Variants in MANBA observed in about 807,000 individuals in gnomAD.
The protein encoded by MANBA is mannosidase beta, also known as beta-mannosidase.
Under a neutral mutation model 111.1 loss-of-function variants are expected in MANBA, and 83 were observed. That is an observed-to-expected ratio of 0.75 (90% CI 0.63 to 0.90). The LOEUF (loss-of-function observed/expected upper bound fraction) is 0.90, where lower values mean the gene tolerates loss of function less well. MANBA is among the 40% of genes least tolerant of loss of function. The probability of loss-of-function intolerance (pLI) is 0.00; values close to 1 mark genes in which losing one functional copy is unlikely to be tolerated. For missense variants in MANBA, 1,036 were observed against 1,069.0 expected, an observed-to-expected ratio of 0.97 and a Z score of 0.43; for synonymous variants, 370 against 378.7, an observed-to-expected ratio of 0.98 and a Z score of 0.27.
At chr4:102,699,334 T>C (rs1306183349) in intron 5 of MANBA, among the ~76,000 whole-genome samples, 4 of 151,258 alleles carry the variant, frequency 2.6e-5, no homozygotes, top group Admixed American at 6.6e-5. Flanking sequence ...CTTTTCCTAA[T>C]TGAATACCCT....
chr4:102,656,738 G>A (rs1185033939), intron 12 of MANBA, among the ~76,000 whole-genome samples: 7 of 152,098 alleles, frequency 4.6e-5, no homozygotes, highest in Non-Finnish European at 1.0e-4. Context: ...GCAACAGAAT[G>A]TTATTCAGCA....
chr4:102,743,000 C>T lies in MANBA; in HGVS notation c.178-16317G>A, dbSNP rs190108007. Among the ~76,000 whole-genome samples the T allele has an allele frequency of 8.6e-3, 1,304 of 152,320 alleles. 14 individuals are homozygous for T. Among genetic ancestry groups the T allele is most frequent in the African/African-American group, 0.028 (1,164 of 41,552 alleles). ...CCATGTGTAACCCCCATCCCTGCCACCATGGCCACTTTGTTCATGGGCCCA... is the reference window on the plus strand; with the variant it reads ...CCATGTGTAACCCCCATCCCTGCCATCATGGCCACTTTGTTCATGGGCCCA... On this transcript the variant is annotated intron_variant, in intron 1 of 16. Transcript: ENST00000647097.
At chr4:102,729,157 C>T (rs1210104060) in intron 1 of MANBA, 13 of 725,010 alleles carry the variant, frequency 1.8e-5, no homozygotes, top group Non-Finnish European at 3.1e-5. Context: ...CCCTGTGCTG[C>T]AGACATCTGT....
chr4:102,727,849 G>T, intron 1 of MANBA: 1 of 595,708 alleles, frequency 1.7e-6, no homozygotes. Flanking sequence ...GAAGACTCAG[G>T]TCTCCTAAAG....
chr4:102,753,892 G>C (rs534831176), intron 1 of MANBA: 7 of 433,290 alleles, frequency 1.6e-5, no homozygotes, highest in African/African-American at 1.3e-4. Context: ...AGACCAGCTT[G>C]AGCAACACGG....
intron 7 of MANBA, among the ~76,000 whole-genome samples, chr4:102,683,550 T>C (rs17033155): frequency 0.044 from 6,645 of 152,250 alleles, 471 homozygotes; most frequent in African/African-American, 0.15. Context: ...ACACGTTACC[T>C]AGTCAATTCA....
intron 11 of MANBA, chr4:102,662,663 T>C (rs1348294268): frequency 6.3e-6 from 1 of 158,382 alleles, no homozygotes; most frequent in Admixed American, 6.2e-5. Context: ...CTAGGCCTTT[T>C]AGAAAATATG....
At chr4:102,634,752 C>T (rs1301472116) in intron 16 of MANBA, 36 bp downstream of exon 16, 1 of 1,612,286 alleles carries the variant, frequency 6.2e-7, no homozygotes. Flanking sequence ...CCCACAAGGC[C>T]ACAGTCCCCT....
At chr4:102,672,470 A>G (rs1279122511) in intron 8 of MANBA, among the ~76,000 whole-genome samples, 1 of 152,210 alleles carries the variant, frequency 6.6e-6, no homozygotes, top group Non-Finnish European at 1.5e-5. Context: ...AGAACTTTTA[A>G]GATTATATTT....
At chr4:102,648,316 G>A (rs566513784) in intron 13 of MANBA, among the ~76,000 whole-genome samples, 1 of 151,958 alleles carries the variant, frequency 6.6e-6, no homozygotes, top group African/African-American at 2.4e-5. Context: ...ATTGGAATAC[G>A]ATATAACAAA....
At chr4:102,699,135 C>A (rs1470931797) in intron 5 of MANBA, among the ~76,000 whole-genome samples, 2 of 152,120 alleles carry the variant, frequency 1.3e-5, no homozygotes, top group African/African-American at 2.4e-5. Context: ...AATGGGAGTT[C>A]ACTCATGATT....
intron 7 of MANBA, among the ~76,000 whole-genome samples, chr4:102,677,897 G>T (rs534957697): frequency 4.2e-4 from 64 of 151,986 alleles, no homozygotes; most frequent in African/African-American, 1.2e-3. Flanking sequence ...GTTTATTATG[G>T]TTATTTAAAA....
At position 102,631,104 on chromosome 4, in the gene MANBA, CTTTGTG is replaced by C. The variant is rs60612694; in HGVS notation, c.*947_*952del. 7,381 of 138,932 alleles carry C rather than the reference CTTTGTG, an allele frequency of 0.053. 401 individuals carry two copies. Among genetic ancestry groups the C allele is most frequent in the African/African-American group, 0.13 (4,785 of 36,528 alleles). The allele number at this position is 138,932 out of a possible 1,614,324, so 8.6% of individuals were successfully genotyped here. A position where few individuals can be genotyped will look rare whatever the true frequency, so the allele number is the denominator to read the frequency against. ...AAGTCCCCTTATCCCCTTGATAAGG[CTTTGTG>C]TGTGTGTGTGTGTGTGTGTGTGTGT... On this transcript the variant is annotated 3_prime_UTR_variant, in exon 17 of 17. Transcript: ENST00000647097.
At chr4:102,633,783 T>C (rs1007769904) in intron 16 of MANBA, among the ~76,000 whole-genome samples, 3 of 152,162 alleles carry the variant, frequency 2.0e-5, no homozygotes, top group African/African-American at 7.2e-5. Context: ...TGGTTTTTTT[T>C]TTCTTTTTTG....
chr4:102,641,091 T>A lies in MANBA; in HGVS notation c.1870-1234A>T, dbSNP rs142150027. 9.4e-3 allele frequency among the ~76,000 whole-genome samples: 1,429 copies of A among 152,234 alleles called. 84 individuals carry two copies. The highest frequency in any genetic ancestry group is 0.081 in the Admixed American group (1,245 of 15,288). On this transcript the variant is annotated intron_variant, in intron 13 of 16. Transcript: ENST00000647097. The stretch of plus-strand genomic sequence containing the variant: ...GTACCAATGCTAAGTAGAAGAGGTA[T>A]GCAATGTTACAAGCTCATATGGTGG...
intron 5 of MANBA, among the ~76,000 whole-genome samples, chr4:102,698,037 A>T (rs1358232920): frequency 1.3e-5 from 2 of 151,764 alleles, no homozygotes; most frequent in Non-Finnish European, 2.9e-5. Context: ...CTGACTTTTT[A>T]ATGATTGCCA....
At chr4:102,639,419 C>T (rs573348017) in intron 14 of MANBA, among the ~76,000 whole-genome samples, 20 of 152,256 alleles carry the variant, frequency 1.3e-4, no homozygotes, top group Admixed American at 2.6e-4. Context: ...AAATTCTATG[C>T]GTAATAACAA....
At chr4:102,664,525 T>A (rs569026353) in intron 11 of MANBA, among the ~76,000 whole-genome samples, 160 bp downstream of exon 11, 1 of 152,296 alleles carries the variant, frequency 6.6e-6, no homozygotes, top group South Asian at 2.1e-4. Flanking sequence ...ATTTTTTTTG[T>A]ATTTTTAGTA....
chr4:102,665,085 G>A, intron 10 of MANBA: 1 of 498,824 alleles, frequency 2.0e-6, no homozygotes, highest in Non-Finnish European at 3.6e-6. Flanking sequence ...TCTCTTCTCT[G>A]CTATATAAAA....
Sources: allele counts gnomAD v4.1 joint callset (sites outside exome capture counted in the v4.1 genomes callset), GRCh38; gene constraint gnomAD v4.1.1; transcripts MANE v1.5; gene names NCBI Gene and HGNC (gene_info 2026-07-23, HGNC 2026-07-21).